The following GAS2L3 variants were observed in gnomAD, a reference collection of about 807,000 sequenced individuals.
GAS2L3 encodes GAS2-like protein 3.
In GAS2L3, 28 loss-of-function variants were observed where a neutral mutation model predicts 37.0. That is an observed-to-expected ratio of 0.76 (90% CI 0.56 to 1.04). The LOEUF (loss-of-function observed/expected upper bound fraction) is 1.04, where lower values mean the gene tolerates loss of function less well. GAS2L3 is among the 50% of genes least tolerant of loss of function. The pLI, the probability that GAS2L3 is intolerant of heterozygous loss-of-function variation, is 0.00. For missense variants in GAS2L3, 793 were observed against 817.6 expected, an observed-to-expected ratio of 0.97 and a Z score of 0.37; for synonymous variants, 290 against 296.6, an observed-to-expected ratio of 0.98 and a Z score of 0.23.
intron 5 of GAS2L3, among the ~76,000 whole-genome samples, chr12:100,604,140 A>T (rs1956026629): frequency 6.6e-6 from 1 of 151,948 alleles, no homozygotes; most frequent in Admixed American, 6.6e-5. Flanking sequence ...TATGAAAAAC[A>T]TCATTGGTAT....
chr12:100,595,895 C>A (rs1955905865), intron 3 of GAS2L3, among the ~76,000 whole-genome samples: 1 of 151,998 alleles, frequency 6.6e-6, no homozygotes, highest in South Asian at 2.1e-4. Flanking sequence ...CAGATATAAA[C>A]CTAGAGATAG....
chr12:100,610,259 T>A (rs1054365022), intron 5 of GAS2L3, among the ~76,000 whole-genome samples: 1 of 152,198 alleles, frequency 6.6e-6, no homozygotes, highest in African/African-American at 2.4e-5. Flanking sequence ...TTGTTAAAAA[T>A]TAATTATGGT....
rs1362176484 is a variant in GAS2L3 at position 100,612,020 on chromosome 12, G to A, written c.324G>A (p.Val108=). 1 of 1,608,712 alleles carries A rather than the reference G, an allele frequency of 6.2e-7. No homozygotes were observed. Among genetic ancestry groups the A allele is most frequent in the Non-Finnish European group, 8.5e-7 (1 of 1,176,686 alleles). ...TCCAGAATTTTCCAATGAGAAAAGT[G>A]CCCTGTAAGAAAGATGCTGCATCAG... The part of the protein sequence containing the change: ...EESGNFPMRK[V]PCKKDAASGS... Residue 108 remains valine (V), a synonymous_variant, in exon 6 of 10, where the codon GTG becomes GTA. Coordinates refer to ENST00000547754, the MANE Select transcript of GAS2L3 (RefSeq NM_174942.3).
chr12:100,602,577 G>A (rs1187537528), intron 5 of GAS2L3, among the ~76,000 whole-genome samples: 1 of 151,914 alleles, frequency 6.6e-6, no homozygotes, highest in East Asian at 1.9e-4. Flanking sequence ...CATGCAATAA[G>A]TAATAATCAC....
intron 1 of GAS2L3, among the ~76,000 whole-genome samples, chr12:100,575,156 T>G (rs1441111889): frequency 1.3e-5 from 2 of 152,146 alleles, no homozygotes; most frequent in Non-Finnish European, 2.9e-5. Context: ...AAAGATTAAA[T>G]GAAATTCCAC....
chr12:100,586,446 C>T (rs1955782105), intron 1 of GAS2L3, among the ~76,000 whole-genome samples: 1 of 152,134 alleles, frequency 6.6e-6, no homozygotes, highest in Admixed American at 6.5e-5. Flanking sequence ...ACTGTGCAAA[C>T]ACATGGAAAC....
At chr12:100,622,148 C>T (rs918805992) in intron 8 of GAS2L3, 127 bp from the exon 9 acceptor site, 33 of 518,664 alleles carry the variant, frequency 6.4e-5, no homozygotes, top group African/African-American at 9.7e-5. Flanking sequence ...ACAGGAGAAG[C>T]GATTAAATTA....
At chr12:100,584,912 G>A (rs1209345962) in intron 1 of GAS2L3, among the ~76,000 whole-genome samples, 49 of 118,426 alleles carry the variant, frequency 4.1e-4, no homozygotes, top group African/African-American at 1.4e-3. Context: ...TTTTTGAGAC[G>A]GAGTCTTGCT....
chr12:100,619,429 G>T (rs544597752), intron 8 of GAS2L3, among the ~76,000 whole-genome samples: 40 of 151,992 alleles, frequency 2.6e-4, no homozygotes, highest in African/African-American at 9.6e-4. Flanking sequence ...TTATAAAGGG[G>T]TTAAATATAC....
Position 100,622,596 on chromosome 12 carries a change from C to T in GAS2L3, c.756+214C>T, listed in dbSNP as rs139308057. Among the ~76,000 whole-genome samples, 584 of 151,498 alleles carry T rather than the reference C, an allele frequency of 3.9e-3. 1 individual carries two copies. Among genetic ancestry groups the T allele is most frequent in the African/African-American group, 0.013 (540 of 41,332 alleles). ...ACTCATCACAGCAAACAACTAACTT[C>T]AGGATAGCTAAGATTATTTAGGCAG... On this transcript the variant is annotated intron_variant, in intron 9 of 9. Transcript: ENST00000547754.
intron 1 of GAS2L3, among the ~76,000 whole-genome samples, chr12:100,584,699 G>A (rs919925288): frequency 7.3e-5 from 11 of 151,304 alleles, no homozygotes; most frequent in Admixed American, 5.3e-4. Flanking sequence ...TCAGCCTCCC[G>A]AGTAGCTGGG....
chr12:100,581,053 A>C (rs1955705790), intron 1 of GAS2L3, among the ~76,000 whole-genome samples: 1 of 152,158 alleles, frequency 6.6e-6, no homozygotes, highest in Non-Finnish European at 1.5e-5. Flanking sequence ...AATACTAGGG[A>C]CTGATATCAC....
chr12:100,589,747 T>C (rs1955823734), intron 1 of GAS2L3, among the ~76,000 whole-genome samples: 2 of 152,230 alleles, frequency 1.3e-5, no homozygotes, highest in South Asian at 2.1e-4. Flanking sequence ...TGGAACAGAA[T>C]AGAGAACCCA....
At chr12:100,614,148 T>C (rs1019651250) in intron 6 of GAS2L3, among the ~76,000 whole-genome samples, 3 of 152,140 alleles carry the variant, frequency 2.0e-5, no homozygotes, top group Admixed American at 1.3e-4. Flanking sequence ...ATTTTAAAAA[T>C]TGTATTAAAA....
intron 5 of GAS2L3, among the ~76,000 whole-genome samples, chr12:100,607,951 A>G (rs1214834143): frequency 6.6e-6 from 1 of 151,918 alleles, no homozygotes; most frequent in Non-Finnish European, 1.5e-5. Flanking sequence ...GTTTTCCTGG[A>G]TGGTCTTGAT....
Position 100,624,632 on chromosome 12 carries a change from C to A in GAS2L3, c.1827C>A (p.Gly609=). The A allele has an allele frequency of 1.2e-6, 2 of 1,614,064 alleles. No homozygotes were observed. The highest frequency in any genetic ancestry group is 2.2e-5 in the South Asian group (2 of 91,078). Residue 609 remains glycine, a synonymous_variant, in exon 10 of 10, where the codon GGC becomes GGA. Coordinates refer to ENST00000547754, the MANE Select transcript of GAS2L3 (RefSeq NM_174942.3). The stretch of plus-strand genomic sequence containing the variant: ...GACCCAGCTCCTTGAAGTCTCCTGG[C>A]CGTACCCCACTGTCCATCGTGAGCC... ...KTGPSSLKSP[G]RTPLSIVSLP...
At chr12:100,581,141 G>A (rs1438288519) in intron 1 of GAS2L3, among the ~76,000 whole-genome samples, 1 of 152,186 alleles carries the variant, frequency 6.6e-6, no homozygotes, top group South Asian at 2.1e-4. Flanking sequence ...AATGTACGAG[G>A]TGTGCCATCC....
At chr12:100,575,112 A>T (rs1206586304) in intron 1 of GAS2L3, among the ~76,000 whole-genome samples, 6 of 152,310 alleles carry the variant, frequency 3.9e-5, no homozygotes, top group Middle Eastern at 6.8e-3. Context: ...AAGAAGGTTA[A>T]TAATAGTTCC....
At position 100,591,754 on chromosome 12, in the gene GAS2L3, A is replaced by T. The variant is rs1955849484; in HGVS notation, c.-133A>T. On this transcript the variant is annotated 5_prime_UTR_variant, in exon 2 of 10. Coordinates refer to ENST00000547754, the MANE Select transcript of GAS2L3 (RefSeq NM_174942.3). ...TTTACAGATCAGAACACTGAGGCTC[A>T]GAGAAGTTAACTACTCCAAAGTCAT... The T allele has an allele frequency of 6.6e-6, 1 of 152,154 alleles. No individual in the cohort carries two copies. The highest frequency in any genetic ancestry group is 2.1e-4 in the South Asian group (1 of 4,824). 9.4% of individuals were successfully genotyped at this position (152,154 alleles called of 1,614,324 possible).
Sources: allele counts gnomAD v4.1 joint callset (sites outside exome capture counted in the v4.1 genomes callset), GRCh38; gene constraint gnomAD v4.1.1; transcripts MANE v1.5; gene names NCBI Gene and HGNC (gene_info 2026-07-23, HGNC 2026-07-21).